The following MTUS2 variants were observed in gnomAD, a reference collection of about 807,000 sequenced individuals.
The protein encoded by MTUS2 is microtubule-associated tumor suppressor candidate 2.
Under a neutral mutation model 114.1 loss-of-function variants are expected in MTUS2, and 40 were observed. The ratio of observed to expected loss-of-function variants is 0.35; its 90% CI spans 0.27 to 0.46. The LOEUF is 0.46. Ranked by LOEUF, MTUS2 falls within the 20% of genes least tolerant of loss-of-function variation. The pLI, the probability that MTUS2 is intolerant of heterozygous loss-of-function variation, is 1.00. For missense variants in MTUS2, 1,679 were observed against 1,705.4 expected, an observed-to-expected ratio of 0.98 and a Z score of 0.27; for synonymous variants, 688 against 672.0, an observed-to-expected ratio of 1.02 and a Z score of -0.37.
chr13:29,033,745 CG>C, intron 3 of MTUS2, 139 bp from the exon 4 acceptor site: 1 of 962,886 alleles, frequency 1.0e-6, no homozygotes, highest in Middle Eastern at 2.9e-4. Context: ...CACTGTGGCC[CG>C]GGGAAGGTAG....
chr13:29,450,372 G>T (rs959949208), intron 9 of MTUS2, among the ~76,000 whole-genome samples: 2 of 152,194 alleles, frequency 1.3e-5, no homozygotes, highest in African/African-American at 2.4e-5. Context: ...TAGTAGTCCT[G>T]TCGTATGTAA....
intron 6 of MTUS2, chr13:29,307,062 T>C: frequency 2.0e-6 from 1 of 498,010 alleles, no homozygotes; most frequent in South Asian, 1.6e-5. Context: ...CTGAGTACAG[T>C]GTGGAGTCCA....
intron 2 of MTUS2, among the ~76,000 whole-genome samples, chr13:28,958,364 C>T (rs627432): frequency 0.17 from 26,562 of 152,110 alleles, 2,757 homozygotes; most frequent in East Asian, 0.45. Flanking sequence ...TCTATAAGTA[C>T]GGTGGCACTG....
chr13:29,443,369 C>T (rs1480108582), intron 9 of MTUS2, among the ~76,000 whole-genome samples: 1 of 152,208 alleles, frequency 6.6e-6, no homozygotes, highest in Non-Finnish European at 1.5e-5. Context: ...GTGCCAAGTG[C>T]AAGGCTGCTT....
intron 6 of MTUS2, among the ~76,000 whole-genome samples, chr13:29,318,797 T>A (rs922988969): frequency 6.6e-6 from 1 of 152,152 alleles, no homozygotes; most frequent in African/African-American, 2.4e-5. Context: ...TCTGAGACAC[T>A]CTCTATGGAT....
chr13:29,150,953 A>G (rs1474588678), intron 5 of MTUS2, among the ~76,000 whole-genome samples: 4 of 152,158 alleles, frequency 2.6e-5, no homozygotes, highest in African/African-American at 9.7e-5. Context: ...ATAGCCTTGT[A>G]TAGTTTGAAG....
rs181048840 is a variant in MTUS2 at position 29,152,037 on chromosome 13, G to A, written c.2644+51067G>A. On this transcript the variant is annotated intron_variant, in intron 5 of 15. Coordinates refer to ENST00000612955, the MANE Select transcript of MTUS2 (RefSeq NM_001033602.4). Reference sequence around the variant, plus strand: ...TCGATTTTGGCATCAGGATGATGCCGGCTTCATAGAATGAGTTAGGGAGGA... The same window carrying A: ...TCGATTTTGGCATCAGGATGATGCCAGCTTCATAGAATGAGTTAGGGAGGA... Among the ~76,000 whole-genome samples, 89 of 152,074 alleles carry A rather than the reference G, an allele frequency of 5.9e-4. 1 individual carries two copies. The highest frequency in any genetic ancestry group is 3.4e-3 in the Middle Eastern group (1 of 294).
chr13:29,246,382 G>A (rs969237860), intron 5 of MTUS2, among the ~76,000 whole-genome samples: 1 of 152,202 alleles, frequency 6.6e-6, no homozygotes, highest in Non-Finnish European at 1.5e-5. Context: ...AGAAGCAGAA[G>A]AGGCCCATGG....
intron 3 of MTUS2, among the ~76,000 whole-genome samples, chr13:29,027,612 C>T (rs1012942314): frequency 2.0e-5 from 3 of 152,078 alleles, no homozygotes; most frequent in Non-Finnish European, 4.4e-5. Flanking sequence ...AGTGCAGTGG[C>T]GCGATCTCGG....
intron 12 of MTUS2, among the ~76,000 whole-genome samples, chr13:29,494,395 T>C (rs1480014025): frequency 1.3e-5 from 2 of 152,092 alleles, no homozygotes; most frequent in East Asian, 1.9e-4. Context: ...TAGATCTCTT[T>C]TGAGTGATGG....
chr13:29,129,019 C>T (rs1234515047), intron 5 of MTUS2, among the ~76,000 whole-genome samples: 1 of 152,156 alleles, frequency 6.6e-6, no homozygotes, highest in Admixed American at 6.5e-5. Context: ...AACCATTGCC[C>T]TAAATGTCGG....
At chr13:29,127,759 C>T (rs1014969827) in intron 5 of MTUS2, among the ~76,000 whole-genome samples, 4 of 152,236 alleles carry the variant, frequency 2.6e-5, no homozygotes, top group South Asian at 2.1e-4. Context: ...TCCTCTGATC[C>T]GATAGCTGCT....
chr13:29,495,940 A>ATATATC (rs539332032), intron 12 of MTUS2, among the ~76,000 whole-genome samples: 1,696 of 151,770 alleles, frequency 0.011, 17 homozygotes, highest in Non-Finnish European at 0.015. Flanking sequence ...GTGTGTATCT[A>ATATATC]TATATCTATA....
At chr13:28,877,704 C>T (rs1878030480) in intron 2 of MTUS2, among the ~76,000 whole-genome samples, 1 of 152,140 alleles carries the variant, frequency 6.6e-6, no homozygotes, top group African/African-American at 2.4e-5. Flanking sequence ...AGAAGATACT[C>T]AGAAGCTTTC....
intron 4 of MTUS2, among the ~76,000 whole-genome samples, chr13:29,090,843 G>A (rs1889912129): frequency 6.6e-6 from 1 of 152,216 alleles, no homozygotes; most frequent in Non-Finnish European, 1.5e-5. Flanking sequence ...CCATTCCCAT[G>A]CCAAACCCTT....
At chr13:29,471,602 G>A (rs1593482385) in intron 9 of MTUS2, among the ~76,000 whole-genome samples, 1 of 152,138 alleles carries the variant, frequency 6.6e-6, no homozygotes, top group Non-Finnish European at 1.5e-5. Flanking sequence ...TTACAACAGT[G>A]GTTGTTTTTA....
intron 5 of MTUS2, among the ~76,000 whole-genome samples, chr13:29,210,863 G>C (rs1272390457): frequency 1.3e-5 from 2 of 152,014 alleles, no homozygotes; most frequent in Admixed American, 1.3e-4. Flanking sequence ...GAGAGTCCTT[G>C]TTTGTAGTTT....
chr13:29,019,014 A>G (rs1886182505), intron 2 of MTUS2, among the ~76,000 whole-genome samples: 1 of 152,138 alleles, frequency 6.6e-6, no homozygotes. Context: ...ACTATGAAAA[A>G]TAAACAATGG....
At chr13:28,997,778 G>A (rs1432250401) in intron 2 of MTUS2, among the ~76,000 whole-genome samples, 1 of 151,984 alleles carries the variant, frequency 6.6e-6, no homozygotes, top group African/African-American at 2.4e-5. Flanking sequence ...TTGAGCCTAT[G>A]TGTGTCTCTG....
Sources: gnomAD v4.1 joint callset for allele counts (sites outside exome capture counted in the v4.1 genomes callset) on GRCh38, gnomAD v4.1.1 for gene constraint, MANE v1.5 for transcripts, NCBI Gene and HGNC (gene_info 2026-07-23, HGNC 2026-07-21) for gene names.